The following CCDC178 variants were observed in gnomAD, a reference collection of about 807,000 sequenced individuals.
CCDC178 encodes coiled-coil domain containing 178, also known as coiled-coil domain-containing protein 178.
CCDC178 carries 126 observed loss-of-function variants against 117.4 expected under a neutral mutation model. The ratio of observed to expected loss-of-function variants is 1.07; its 90% CI spans 0.93 to 1.24. The LOEUF (loss-of-function observed/expected upper bound fraction) is 1.24, where lower values mean the gene tolerates loss of function less well. Ranked by LOEUF, CCDC178 falls within the 50% of genes most tolerant of loss-of-function variation. The probability of loss-of-function intolerance (pLI) is 0.00; values close to 1 mark genes in which losing one functional copy is unlikely to be tolerated. For synonymous variants in CCDC178, 283 were observed against 313.4 expected (o/e 0.90, Z 1.02); for missense variants, 1,030 against 986.9 (o/e 1.04, Z -0.59).
chr18:33,270,077 T>C, intron 12 of CCDC178, among the ~76,000 whole-genome samples: 1 of 151,478 alleles, frequency 6.6e-6, no homozygotes, highest in Non-Finnish European at 1.5e-5. Flanking sequence ...AGTTGAAAAG[T>C]ACAATAACTG....
chr18:33,041,433 T>C (rs1167663097), intron 21 of CCDC178, among the ~76,000 whole-genome samples: 1 of 149,704 alleles, frequency 6.7e-6, no homozygotes, highest in African/African-American at 2.4e-5. Context: ...TAATGTATAA[T>C]ATATGTTATA....
At chr18:33,129,546 C>A (rs1200705451) in intron 20 of CCDC178, among the ~76,000 whole-genome samples, 1 of 151,736 alleles carries the variant, frequency 6.6e-6, no homozygotes, top group African/African-American at 2.4e-5. Context: ...TACTAAAGTC[C>A]TAAATAACTA....
At chr18:33,384,555 C>A (rs1254263179) in intron 5 of CCDC178, among the ~76,000 whole-genome samples, 2 of 152,162 alleles carry the variant, frequency 1.3e-5, no homozygotes, top group Non-Finnish European at 2.9e-5. Flanking sequence ...TGGGGGCCAA[C>A]ATTCAACATT....
intron 21 of CCDC178, among the ~76,000 whole-genome samples, chr18:33,011,474 C>T (rs1032644304): frequency 1.3e-5 from 2 of 151,942 alleles, no homozygotes; most frequent in Admixed American, 1.3e-4. Context: ...ACAGTCTCCT[C>T]AATGAGCGGA....
intron 21 of CCDC178, among the ~76,000 whole-genome samples, chr18:33,021,992 A>T (rs915973129): frequency 6.6e-6 from 1 of 152,156 alleles, no homozygotes; most frequent in African/African-American, 2.4e-5. Flanking sequence ...ATTTCCTTTT[A>T]ATTTTAAAAT....
At position 33,225,164 on chromosome 18, in the gene CCDC178, C is replaced by T. The variant is rs1443069495; in HGVS notation, c.1657-228G>A. On this transcript the variant is annotated intron_variant, in intron 16 of 22. Coordinates refer to ENST00000383096, the MANE Select transcript of CCDC178 (RefSeq NM_001105528.4). ...TGTAATATAATATAATATATATATGCTTTTTTTAAATTTTTTGAGGCAGAG... is the reference window on the plus strand; with the variant it reads ...TGTAATATAATATAATATATATATGTTTTTTTTAAATTTTTTGAGGCAGAG... Among the ~76,000 whole-genome samples the T allele has an allele frequency of 4.7e-5, 7 of 150,428 alleles. No homozygotes were observed. In the Admixed American group the frequency reaches 4.7e-4, roughly 10 times the overall value.
At position 33,246,940 on chromosome 18, in the gene CCDC178, A is replaced by G. The variant is rs186957493; in HGVS notation, c.1410-1512T>C. On this transcript the variant is annotated intron_variant, in intron 14 of 22. Transcript: ENST00000383096. ...CAGAAAAGATGACCATAAATGGAAG[A>G]ATTTAAAGATTGGTTAATTGGGACC... Among the ~76,000 whole-genome samples the G allele has an allele frequency of 5.7e-3, 866 of 152,102 alleles. 5 individuals carry two copies. The highest frequency in any genetic ancestry group is 9.3e-3 in the Non-Finnish European group (633 of 67,930).
At chr18:33,239,066 C>A (rs1277356881) in intron 15 of CCDC178, among the ~76,000 whole-genome samples, 1 of 151,984 alleles carries the variant, frequency 6.6e-6, no homozygotes, top group Non-Finnish European at 1.5e-5. Context: ...TTCTACAGAA[C>A]AGAAAACCTA....
At chr18:33,127,015 T>TAC (rs199745115) in intron 20 of CCDC178, among the ~76,000 whole-genome samples, 2,354 of 142,344 alleles carry the variant, frequency 0.017, 25 homozygotes, top group Non-Finnish European at 0.023. Flanking sequence ...TATATATATA[T>TAC]ACACACACAC....
intron 21 of CCDC178, among the ~76,000 whole-genome samples, chr18:33,072,635 G>A (rs1458066250): frequency 6.6e-6 from 1 of 152,074 alleles, no homozygotes; most frequent in Non-Finnish European, 1.5e-5. Context: ...TTTGTGTATT[G>A]TGTGTCATCA....
At chr18:33,317,170 A>G (rs943522950) in intron 11 of CCDC178, among the ~76,000 whole-genome samples, 6 of 151,644 alleles carry the variant, frequency 4.0e-5, no homozygotes, top group African/African-American at 7.3e-5. Context: ...GCTACTGCTC[A>G]CTCTTTGGGT....
intron 3 of CCDC178, among the ~76,000 whole-genome samples, chr18:33,405,057 A>G (rs1211189368): frequency 6.6e-6 from 1 of 152,066 alleles, no homozygotes; most frequent in Non-Finnish European, 1.5e-5. Flanking sequence ...ACAAACTTAT[A>G]CTAAAAATTC....
chr18:33,322,979 A>C (rs1428270391), intron 11 of CCDC178, among the ~76,000 whole-genome samples: 2 of 151,488 alleles, frequency 1.3e-5, no homozygotes, highest in Admixed American at 6.6e-5. Flanking sequence ...AAGGAATAGC[A>C]GAAAATAAAT....
intron 20 of CCDC178, among the ~76,000 whole-genome samples, chr18:33,206,481 TA>T (rs1164740469): frequency 6.6e-6 from 1 of 151,554 alleles, no homozygotes; most frequent in Non-Finnish European, 1.5e-5. Flanking sequence ...GCTAATCAAG[TA>T]AAAAAAGAAA....
chr18:33,273,167 C>A (rs192073923), intron 12 of CCDC178, among the ~76,000 whole-genome samples: 22 of 151,562 alleles, frequency 1.5e-4, no homozygotes, highest in African/African-American at 4.1e-4. Context: ...TTTTCAAAAA[C>A]TATAGAGCCT....
intron 3 of CCDC178, among the ~76,000 whole-genome samples, chr18:33,398,435 C>T (rs899799741): frequency 5.3e-5 from 8 of 151,980 alleles, no homozygotes; most frequent in Admixed American, 3.9e-4. Context: ...GAGATTTGTG[C>T]TAATAAGAAA....
intron 22 of CCDC178, among the ~76,000 whole-genome samples, chr18:32,944,305 C>G (rs1316976023): frequency 6.6e-6 from 1 of 152,046 alleles, no homozygotes. Flanking sequence ...TGGAAAAGCA[C>G]GGATCTATTT....
chr18:33,251,871 A>G (rs950238703), intron 14 of CCDC178, among the ~76,000 whole-genome samples: 1 of 151,742 alleles, frequency 6.6e-6, no homozygotes, highest in Non-Finnish European at 1.5e-5. Flanking sequence ...AAGTTCAATG[A>G]AGAAAGCTGC....
chr18:33,327,069 T>C (rs1040850432), intron 10 of CCDC178, among the ~76,000 whole-genome samples: 1 of 151,902 alleles, frequency 6.6e-6, no homozygotes, highest in African/African-American at 2.4e-5. Flanking sequence ...TTTTAAAGAG[T>C]TTTAAAACTT....
Sources: gnomAD v4.1 joint callset for allele counts (sites outside exome capture counted in the v4.1 genomes callset) on GRCh38, gnomAD v4.1.1 for gene constraint, MANE v1.5 for transcripts, NCBI Gene and HGNC (gene_info 2026-07-23, HGNC 2026-07-21) for gene names.